The following TNS1 variants were observed in gnomAD, a reference collection of about 807,000 sequenced individuals.
TNS1 encodes the protein tensin-1.
A neutral mutation model predicts 168.6 loss-of-function variants in TNS1; 62 were observed. The ratio of observed to expected loss-of-function variants is 0.37; its 90% CI spans 0.30 to 0.45. The LOEUF is 0.45. Ranked by LOEUF, TNS1 falls within the 20% of genes least tolerant of loss-of-function variation. TNS1 has a pLI of 1.00. For synonymous variants in TNS1, 934 were observed against 933.2 expected (o/e 1.00, Z -0.02); for missense variants, 2,240 against 2,339.4 (o/e 0.96, Z 0.88).
Position 217,867,654 on chromosome 2 carries a change from C to T in TNS1, c.1429+13244G>A, listed in dbSNP as rs553912547. Among the ~76,000 whole-genome samples the T allele has an allele frequency of 3.3e-5, 5 of 152,348 alleles. No homozygotes were observed. In the South Asian group the frequency reaches 1.0e-3, roughly 32 times the overall value. Reference sequence around the variant, plus strand: ...TGATCTACTCCCTGTTACCTTATCTCCCAACACAACCTCCATTCAGTCACA... The same window carrying T: ...TGATCTACTCCCTGTTACCTTATCTTCCAACACAACCTCCATTCAGTCACA... On this transcript the variant is annotated intron_variant, in intron 18 of 32. Coordinates refer to ENST00000682258, the MANE Select transcript of TNS1 (RefSeq NM_001387777.1).
Position 218,027,012 on chromosome 2 carries a change from G to T in TNS1, c.156+6808C>A, listed in dbSNP as rs368478574. 2.2e-4 allele frequency among the ~76,000 whole-genome samples: 34 copies of T among 152,302 alleles called. 1 individual carries two copies. The highest frequency in any genetic ancestry group is 8.2e-4 in the African/African-American group (34 of 41,562). ...TGGGGTGTTGAGGGCTTGGTGGAGG[G>T]GAAGTCAGGGAGGAGGAAGGGCAGC... On this transcript the variant is annotated intron_variant, in intron 1 of 1. Transcript: ENST00000649572.
chr2:217,879,068 C>CCGCT (rs1048373431), intron 18 of TNS1, among the ~76,000 whole-genome samples: 2 of 152,168 alleles, frequency 1.3e-5, no homozygotes, highest in African/African-American at 4.8e-5. Flanking sequence ...AGAGGGGGAG[C>CCGCT]CGCTCTCGGC....
intron 3 of TNS1, among the ~76,000 whole-genome samples, chr2:217,947,204 T>C (rs1364909893): frequency 6.7e-6 from 1 of 148,574 alleles, no homozygotes; most frequent in African/African-American, 2.5e-5. Flanking sequence ...CTGGTTCCAG[T>C]TGCGGTTGGT....
In TNS1 at chr2:217,814,982, C is replaced by T. The variant is rs200055507; in HGVS notation, c.4659G>A (p.Thr1553=). Reference sequence around the variant, plus strand: ...CCTGGACAAACTTCACTTTAGCCCGCGTCTCCGGGCTGTTGTCTAAAGCAG... The same window carrying T: ...CCTGGACAAACTTCACTTTAGCCCGTGTCTCCGGGCTGTTGTCTAAAGCAG... ...KYSMPDNSPE[T]RAKVKFVQDT... Residue 1553 remains threonine (T), a synonymous_variant, in exon 25 of 33, where the codon ACG becomes ACA. Coordinates refer to ENST00000682258, the MANE Select transcript of TNS1 (RefSeq NM_001387777.1). 6.6e-5 allele frequency: 106 copies of T among 1,612,542 alleles called. No homozygotes were observed. Among genetic ancestry groups the T allele is most frequent in the Non-Finnish European group, 7.9e-5 (93 of 1,179,380 alleles).
chr2:218,026,001 C>T (rs1473968989), intron 1 of TNS1, among the ~76,000 whole-genome samples: 3 of 152,214 alleles, frequency 2.0e-5, no homozygotes, highest in South Asian at 4.1e-4. Flanking sequence ...CTCTCCCAGC[C>T]TCCCCTAGCC....
chr2:217,835,299 T>C, intron 20 of TNS1, 133 bp from the exon 21 acceptor site: 1 of 789,824 alleles, frequency 1.3e-6, no homozygotes, highest in Non-Finnish European at 2.0e-6. Context: ...TCCTCACTGG[T>C]GCTCAGGGCA....
At chr2:217,947,827 GCCTTCATTTGTT>G (rs1957148355) in intron 3 of TNS1, among the ~76,000 whole-genome samples, 1 of 152,168 alleles carries the variant, frequency 6.6e-6, no homozygotes, top group South Asian at 2.1e-4. Context: ...ACCCAGAGAT[GCCTTCATTTGTT>G]CCTTCATTTC....
chr2:217,906,305 C>G, intron 6 of TNS1, 30 bp downstream of exon 6: 2 of 701,514 alleles, frequency 2.9e-6, no homozygotes, highest in East Asian at 2.7e-5. Context: ...AGGGCCCAGC[C>G]CCATCCTTCT....
rs752700908 is a variant in TNS1 at position 217,831,518 on chromosome 2, G to T, written c.3310C>A (p.Pro1104Thr). Residue 1104 changes from proline to threonine, a missense_variant, in exon 22 of 33, where the codon CCC becomes ACC. Around this residue, in one of 2 missense-constraint regions of TNS1, gnomAD observed 2,131 missense variants for 2,171.2 expected, o/e 0.98. Transcript: ENST00000682258. Reference sequence around the variant, plus strand: ...GGTTTCAGGCCCAGAGCAGACAGGGGTGTCTTGGCCAGACCCGGGGGGGAC... The same window carrying T: ...GGTTTCAGGCCCAGAGCAGACAGGGTTGTCTTGGCCAGACCCGGGGGGGAC... Reference protein sequence around the residue: ...VRSPPGLAKTPLSALGLKPHN... With the variant: ...VRSPPGLAKTTLSALGLKPHN... The T allele has an allele frequency of 1.3e-6, 2 of 1,563,222 alleles. No individual in the cohort carries two copies. Among genetic ancestry groups the T allele is most frequent in the Non-Finnish European group, 1.7e-6 (2 of 1,157,914 alleles).
intron 4 of TNS1, among the ~76,000 whole-genome samples, chr2:217,908,606 G>A (rs1953975489): frequency 6.6e-6 from 1 of 152,162 alleles, no homozygotes; most frequent in Non-Finnish European, 1.5e-5. Flanking sequence ...AGGAGGAGTG[G>A]GCACAGATAG....
chr2:218,004,374 C>CG (rs561320079), upstream of TNS1, among the ~76,000 whole-genome samples: 223 of 152,252 alleles, frequency 1.5e-3, no homozygotes, highest in African/African-American at 5.0e-3. Context: ...TGCCTCCCCC[C>CG]CCCACTCACC....
chr2:218,006,582 G>A (rs554611476), upstream of TNS1, among the ~76,000 whole-genome samples: 3 of 152,164 alleles, frequency 2.0e-5, no homozygotes, highest in East Asian at 1.9e-4. Context: ...CAGGGGTCAC[G>A]GTAACAGCCT....
rs551874196 is a variant in TNS1, at chr2:217,924,270, C to T, written c.187-4034G>A. Among the ~76,000 whole-genome samples, 190 of 152,274 alleles carry T rather than the reference C, an allele frequency of 1.2e-3. 1 individual carries two copies. The highest frequency in any genetic ancestry group is 4.3e-3 in the African/African-American group (177 of 41,552). On this transcript the variant is annotated intron_variant, in intron 3 of 32. Coordinates refer to ENST00000682258, the MANE Select transcript of TNS1 (RefSeq NM_001387777.1). ...GGCTTTGGCTTAAATGTCACCACCC[C>T]AGAGACCCTCCCTAATTCCCTTATG...
Position 217,813,929 on chromosome 2 carries a change from T to C in TNS1, c.4730-113A>G. On this transcript the variant is annotated intron_variant, in intron 25 of 32. Coordinates refer to ENST00000682258, the MANE Select transcript of TNS1 (RefSeq NM_001387777.1). This position sits in a 1 kb window ranked among gnomAD's most constrained non-coding sequence, Gnocchi z 4.0. The stretch of plus-strand genomic sequence containing the variant: ...CGTTCTTTCTTAGGTGAGACAAATT[T>C]TCTTTAAAGTTAAAATTTAACTACT... The C allele has an allele frequency of 7.6e-7, 1 of 1,311,686 alleles. No homozygotes were observed. Among genetic ancestry groups the C allele is most frequent in the Non-Finnish European group, 9.9e-7 (1 of 1,005,394 alleles). The allele number at this position is 1,311,686 out of a possible 1,614,324, so 81.3% of individuals were successfully genotyped here.
At chr2:217,940,965 C>T (rs1393581489) in intron 3 of TNS1, among the ~76,000 whole-genome samples, 1 of 152,192 alleles carries the variant, frequency 6.6e-6, no homozygotes, top group East Asian at 1.9e-4. Context: ...GTGACTGCTC[C>T]TCCCCCACTC....
At chr2:217,824,099 G>A (rs984733768) in intron 22 of TNS1, among the ~76,000 whole-genome samples, 1 of 152,240 alleles carries the variant, frequency 6.6e-6, no homozygotes, top group Non-Finnish European at 1.5e-5. Flanking sequence ...CAACTCTGCT[G>A]TTGTGGTGTG....
intron 6 of TNS1, chr2:217,903,551 G>C: frequency 7.2e-6 from 11 of 1,526,406 alleles, no homozygotes; most frequent in Non-Finnish European, 8.8e-6. Context: ...GTTGATTACA[G>C]AACTTTTCAT....
At chr2:217,942,715 C>T (rs1242528184) in intron 3 of TNS1, among the ~76,000 whole-genome samples, 2 of 152,124 alleles carry the variant, frequency 1.3e-5, no homozygotes, top group Non-Finnish European at 2.9e-5. Flanking sequence ...GCCCTTGTCT[C>T]CAAAGACCCT....
intron 21 of TNS1, among the ~76,000 whole-genome samples, chr2:217,834,551 C>T (rs1297258481): frequency 6.6e-6 from 1 of 152,140 alleles, no homozygotes; most frequent in Non-Finnish European, 1.5e-5. Flanking sequence ...ATCTGCCTCC[C>T]CAGTAAGTGT....
Sources: allele counts gnomAD v4.1 joint callset (sites outside exome capture counted in the v4.1 genomes callset), GRCh38; gene constraint gnomAD v4.1.1; regional missense constraint gnomAD v4.1.1; non-coding constraint Gnocchi (gnomAD v3.1); transcripts MANE v1.5; gene names NCBI Gene and HGNC (gene_info 2026-07-23, HGNC 2026-07-21).